Variants in PUDP observed in about 807,000 individuals in gnomAD.
PUDP encodes the protein pseudouridine 5'-phosphatase.
In PUDP, 8 loss-of-function variants were observed where a neutral mutation model predicts 9.4. The ratio of observed to expected loss-of-function variants is 0.85; its 90% confidence interval spans 0.50 to 1.53. The LOEUF (loss-of-function observed/expected upper bound fraction) is 1.53, where lower values mean the gene tolerates loss of function less well. PUDP is among the 40% of genes most tolerant of loss of function. PUDP has a pLI of 0.00. For synonymous variants in PUDP, 99 were observed against 80.7 expected, an observed-to-expected ratio of 1.23 and a Z score of -1.22; for missense variants, 188 against 189.7, an observed-to-expected ratio of 0.99 and a Z score of 0.05.
chrX:6,774,509 T>C (rs949599146), intron 3 of PUDP, among the ~76,000 whole-genome samples: 3 of 112,183 alleles, frequency 2.7e-5, no homozygotes, highest in African/African-American at 9.7e-5. Context: ...TAACGTTTCC[T>C]AAAACACAAT....
intron 2 of PUDP, among the ~76,000 whole-genome samples, chrX:7,101,683 C>T (rs1931740295): frequency 9.0e-6 from 1 of 111,651 alleles, no homozygotes; most frequent in African/African-American, 3.3e-5. Context: ...AAATAAGACA[C>T]GTGCATGCCT....
chrX:6,801,063 G>A (rs1314235356), intron 3 of PUDP, among the ~76,000 whole-genome samples: 4 of 111,803 alleles, frequency 3.6e-5, no homozygotes, highest in Admixed American at 2.9e-4. Context: ...TTGATCCCAG[G>A]GATGCAAGCC....
At chrX:6,796,902 C>T (rs775584272) in intron 3 of PUDP, among the ~76,000 whole-genome samples, 1 of 111,701 alleles carries the variant, frequency 9.0e-6, no homozygotes, top group African/African-American at 3.2e-5. Context: ...TCCAGATTGC[C>T]GGAAATGTTC....
At chrX:6,765,463 C>T (rs1002538107) in intron 3 of PUDP, among the ~76,000 whole-genome samples, 5 of 112,092 alleles carry the variant, frequency 4.5e-5, no homozygotes, top group East Asian at 2.8e-4. Context: ...AAACAAATCA[C>T]GTCACAGGAT....
intron 1 of PUDP, among the ~76,000 whole-genome samples, chrX:6,999,408 G>A (rs967818654): frequency 3.6e-5 from 4 of 111,804 alleles, no homozygotes; most frequent in African/African-American, 1.3e-4. Context: ...ATAAGAAGAA[G>A]AAACACCTCA....
intron 3 of PUDP, among the ~76,000 whole-genome samples, chrX:6,812,134 C>T (rs1341499425): frequency 8.9e-6 from 1 of 112,250 alleles, no homozygotes; most frequent in Admixed American, 9.4e-5. Context: ...GGATTTGCAT[C>T]TCCAGGTGAG....
At chrX:6,782,452 C>A (rs1453776793) in intron 3 of PUDP, among the ~76,000 whole-genome samples, 1 of 111,377 alleles carries the variant, frequency 9.0e-6, no homozygotes, top group Non-Finnish European at 1.9e-5. Flanking sequence ...TGCCTGTAAT[C>A]CCAGCTACTC....
chrX:7,061,729 A>G (rs1417468771), intron 3 of PUDP, among the ~76,000 whole-genome samples: 1 of 111,637 alleles, frequency 9.0e-6, no homozygotes, highest in African/African-American at 3.3e-5. Flanking sequence ...GAACAAACAA[A>G]TGAATCTCTG....
At chrX:6,763,282 G>A (rs1317839877) in intron 3 of PUDP, among the ~76,000 whole-genome samples, 1 of 111,297 alleles carries the variant, frequency 9.0e-6, no homozygotes, top group East Asian at 2.8e-4. Flanking sequence ...CCAGCTACTT[G>A]GGAGGCTGAG....
chrX:6,990,792 T>C (rs1419715080), intron 1 of PUDP, among the ~76,000 whole-genome samples: 1 of 112,584 alleles, frequency 8.9e-6, no homozygotes, highest in East Asian at 2.8e-4. Flanking sequence ...TGGGAATTGG[T>C]ACCTTCCAAG....
chrX:7,144,582 GC>G (rs1932829323), intron 1 of PUDP, among the ~76,000 whole-genome samples: 1 of 110,690 alleles, frequency 9.0e-6, no homozygotes, highest in South Asian at 3.9e-4. Context: ...GGTCTCCTGG[GC>G]CCCAGACAGT....
At chrX:7,086,281 A>G (rs1352007644) in intron 2 of PUDP, among the ~76,000 whole-genome samples, 1 of 112,456 alleles carries the variant, frequency 8.9e-6, no homozygotes, top group African/African-American at 3.2e-5. Flanking sequence ...ACTAGAAAAT[A>G]ACCAAAGTCA....
intron 3 of PUDP, among the ~76,000 whole-genome samples, chrX:6,867,602 T>C (rs924056631): frequency 9.1e-6 from 1 of 110,201 alleles, no homozygotes; most frequent in African/African-American, 3.3e-5. Flanking sequence ...GACGGTGTTG[T>C]TGGTGATGGT....
chrX:6,956,044 C>T (rs1928622285), intron 3 of PUDP, among the ~76,000 whole-genome samples: 1 of 111,993 alleles, frequency 8.9e-6, no homozygotes, highest in Non-Finnish European at 1.9e-5. Context: ...TTCAATGCTA[C>T]TATTTCTTGT....
At chrX:7,108,819 T>C (rs2146901672) in intron 1 of PUDP, among the ~76,000 whole-genome samples, 1 of 112,106 alleles carries the variant, frequency 8.9e-6, no homozygotes, top group South Asian at 3.8e-4. Context: ...TCTCCCAGTG[T>C]TGGGATTAAG....
At chrX:6,877,879 C>T (rs755786462) in intron 3 of PUDP, among the ~76,000 whole-genome samples, 3 of 111,738 alleles carry the variant, frequency 2.7e-5, no homozygotes, top group African/African-American at 6.5e-5. Context: ...CTGGCTGAGT[C>T]GCTACTGTAG....
intron 1 of PUDP, among the ~76,000 whole-genome samples, chrX:6,982,969 G>GTCCA (rs1280597275): frequency 8.9e-5 from 10 of 112,027 alleles, no homozygotes; most frequent in Non-Finnish European, 1.7e-4. Flanking sequence ...ACAAAATGTG[G>GTCCA]TCCATCCATA....
chrX:6,846,409 CAAAAA>C (rs55712277), intron 3 of PUDP, among the ~76,000 whole-genome samples: 1 of 63,429 alleles, frequency 1.6e-5, no homozygotes, highest in Non-Finnish European at 3.0e-5. Flanking sequence ...GACTCCCTCT[CAAAAA>C]AAAAAAAAAA....
intron 3 of PUDP, among the ~76,000 whole-genome samples, chrX:7,051,125 C>A (rs1479483526): frequency 1.8e-5 from 2 of 111,428 alleles, no homozygotes; most frequent in Non-Finnish European, 3.8e-5. Flanking sequence ...CTACTGGCAA[C>A]TGCAAAGATA....
Sources: gnomAD v4.1 joint callset for allele counts (sites outside exome capture counted in the v4.1 genomes callset) on GRCh38, gnomAD v4.1.1 for gene constraint, MANE v1.5 for transcripts, NCBI Gene and HGNC (gene_info 2026-07-23, HGNC 2026-07-21) for gene names.